RAB14: variants seen among roughly 807,000 people sequenced by gnomAD.
The protein encoded by RAB14 is RAB14, member RAS oncogene family.
Under a neutral mutation model 31.1 loss-of-function variants are expected in RAB14, and 3 were observed. That is an observed-to-expected ratio of 0.10 (90% confidence interval 0.04 to 0.25). RAB14 has a LOEUF of 0.25. Among genes scored for constraint, RAB14 ranks in the 10% least tolerant of loss-of-function variants. RAB14 has a pLI of 1.00. For synonymous variants in RAB14, 85 were observed against 84.9 expected (o/e 1.00, Z 0.00); for missense variants, 111 against 260.1 (o/e 0.43, Z 3.94).
chr9:121,200,754 C>T (rs1380688112), intron 1 of RAB14, among the ~76,000 whole-genome samples: 1 of 152,226 alleles, frequency 6.6e-6, no homozygotes, highest in Non-Finnish European at 1.5e-5. Context: ...AATGTACCAT[C>T]AACAGCCAGA....
chr9:121,183,167 G>A lies in RAB14; in HGVS notation c.439+144C>T. On this transcript the variant is annotated intron_variant, in intron 6 of 7. Transcript: ENST00000373840. Reference sequence around the variant, plus strand: ...CTCCAACATAAATCACACAGAAATAGAAACACATTGTTACTTCCTCATTCT... The same window carrying A: ...CTCCAACATAAATCACACAGAAATAAAAACACATTGTTACTTCCTCATTCT... The A allele has an allele frequency of 6.4e-6, 5 of 787,378 alleles. No individual in the cohort carries two copies. The East Asian group carries it at 1.0e-4, about 16-fold the overall frequency. 48.8% of individuals were successfully genotyped at this position (787,378 alleles called of 1,614,324 possible). A position where few individuals can be genotyped will look rare whatever the true frequency, so the allele number is the denominator to read the frequency against.
intron 1 of RAB14, among the ~76,000 whole-genome samples, chr9:121,198,020 A>AAC (rs58467154): frequency 0.19 from 28,873 of 149,624 alleles, 3,488 homozygotes; most frequent in African/African-American, 0.34. Context: ...CCCACTTTCA[A>AAC]ACACACACAC....
rs2053612572 is a variant in RAB14, at chr9:121,178,655, T to A, written c.*2741A>T. On this transcript the variant is annotated 3_prime_UTR_variant, in exon 8 of 8. Coordinates refer to ENST00000373840, the MANE Select transcript of RAB14 (RefSeq NM_016322.4). ...TTCAAAAGACACCTTTCCAAAGAAATTGTACTACCTCTATTAACGTGTAAA... is the reference window on the plus strand; with the variant it reads ...TTCAAAAGACACCTTTCCAAAGAAAATGTACTACCTCTATTAACGTGTAAA... The A allele has an allele frequency of 6.6e-6, 1 of 152,368 alleles. No individual in the cohort carries two copies. The highest frequency in any genetic ancestry group is 2.1e-4 in the South Asian group (1 of 4,832). The allele number at this position is 152,368 out of a possible 1,614,324, so 9.4% of individuals were successfully genotyped here.
intron 1 of RAB14, among the ~76,000 whole-genome samples, chr9:121,194,944 T>C (rs2053707059): frequency 6.6e-6 from 1 of 152,194 alleles, no homozygotes; most frequent in South Asian, 2.1e-4. Context: ...CCATTCCAGT[T>C]TGGCATGTTC....
rs57736737 is a variant in RAB14, at chr9:121,195,063, C to T, written c.-7-1644G>A. ...TAACTGATTCTGAACATCACAACAA[C>T]TTTATTCCCTTTTCCAGGCACTAGG... On this transcript the variant is annotated intron_variant, in intron 1 of 7. Coordinates refer to ENST00000373840, the MANE Select transcript of RAB14 (RefSeq NM_016322.4). Among the ~76,000 whole-genome samples the T allele has an allele frequency of 6.5e-3, 984 of 152,204 alleles. 11 individuals carry two copies. Among genetic ancestry groups the T allele is most frequent in the African/African-American group, 0.02 (815 of 41,526 alleles).
chr9:121,185,953 A>G (rs758556794), intron 5 of RAB14, among the ~76,000 whole-genome samples: 32 of 152,180 alleles, frequency 2.1e-4, no homozygotes, highest in Non-Finnish European at 4.3e-4. Flanking sequence ...CCCTAGCATG[A>G]TAGGCAAACA....
In RAB14 at chr9:121,180,715, TGTTA is replaced by T. The variant is rs762778015; in HGVS notation, c.*677_*680del. 22 of 152,686 alleles carry T rather than the reference TGTTA, an allele frequency of 1.4e-4. No homozygotes were observed. The highest frequency in any genetic ancestry group is 7.8e-4 in the Admixed American group (12 of 15,290). 9.5% of individuals were successfully genotyped at this position (152,686 alleles called of 1,614,324 possible). A position where few individuals can be genotyped will look rare whatever the true frequency, so the allele number is the denominator to read the frequency against. ...TTAAAATAATATACACAGAATGTAT[TGTTA>T]GTTCGATTCCTTCAAATTTTATACA... On this transcript the variant is annotated 3_prime_UTR_variant, in exon 8 of 8. Transcript: ENST00000373840.
In RAB14 at chr9:121,182,930, GT is replaced by G; in HGVS notation, c.469del (p.Thr157ArgfsTer5). On this transcript the variant is annotated frameshift_variant and splice_region_variant, in exon 7 of 8. Coordinates refer to ENST00000373840, the MANE Select transcript of RAB14 (RefSeq NM_016322.4). LOFTEE classifies it high-confidence loss of function. ...ATATCTGTATTTTGGTCACACTTAC[GT>G]TTTTGCACTCGCTTCGAGGAACAAT... ...GLLFLEASAK[T>X]GENVEDAFLE... 6.2e-7 allele frequency: 1 copy of G among 1,606,618 alleles called. No individual in the cohort carries two copies. The highest frequency in any genetic ancestry group is 8.5e-7 in the Non-Finnish European group (1 of 1,175,098).
In RAB14 at chr9:121,179,203, G is replaced by A. The variant is rs147827558; in HGVS notation, c.*2193C>T. The stretch of plus-strand genomic sequence containing the variant: ...AGACCTCTCTTTATACAATGAATAT[G>A]GACAGTGCTGCAATAAAAACTGATG... On this transcript the variant is annotated 3_prime_UTR_variant, in exon 8 of 8. Transcript: ENST00000373840. 1.3e-5 allele frequency: 2 copies of A among 152,386 alleles called. No individual in the cohort carries two copies. Among genetic ancestry groups the A allele is most frequent in the East Asian group, 3.9e-4 (2 of 5,190 alleles). 9.4% of individuals were successfully genotyped at this position (152,386 alleles called of 1,614,324 possible).
rs1419918041 is a variant in RAB14, at chr9:121,187,024, A to G, written c.285-5T>C. Reference sequence around the variant, plus strand: ...AAGTGGTTATATGTACTTCTTCTGCAAAAATAAAAGTTTAAATTTGTGACT... The same window carrying G: ...AAGTGGTTATATGTACTTCTTCTGCGAAAATAAAAGTTTAAATTTGTGACT... On this transcript the variant is annotated splice_polypyrimidine_tract_variant and splice_region_variant and intron_variant, in intron 4 of 7. Transcript: ENST00000373840. 6.5e-7 allele frequency: 1 copy of G among 1,542,252 alleles called. No homozygotes were observed. Among genetic ancestry groups the G allele is most frequent in the African/African-American group, 1.4e-5 (1 of 71,556 alleles).
intron 3 of RAB14, 95 bp from the exon 4 acceptor site, chr9:121,190,826 TAATAC>T: frequency 1.6e-6 from 2 of 1,212,158 alleles, no homozygotes. Context: ...AATGGCTTAC[TAATAC>T]TTACAGGCTA....
At chr9:121,190,860 C>G (rs537734605) in intron 3 of RAB14, 129 bp from the exon 4 acceptor site, 2 of 841,536 alleles carry the variant, frequency 2.4e-6, no homozygotes, top group East Asian at 2.8e-5. Flanking sequence ...CTAAAGCTAC[C>G]GCTAAAAAAA....
intron 5 of RAB14, among the ~76,000 whole-genome samples, chr9:121,185,594 A>T (rs2053654418): frequency 6.6e-6 from 1 of 152,082 alleles, no homozygotes; most frequent in South Asian, 2.1e-4. Flanking sequence ...GGCAATCACT[A>T]ATCTACTCCC....
chr9:121,185,934 A>C (rs1055460479), intron 5 of RAB14, among the ~76,000 whole-genome samples: 2 of 152,174 alleles, frequency 1.3e-5, no homozygotes, highest in Non-Finnish European at 2.9e-5. Flanking sequence ...TGAAAGTTTC[A>C]GGCACAGTCC....
chr9:121,187,007 A>G lies in RAB14; in HGVS notation c.297T>C (p.Tyr99=), dbSNP rs1293449591. The G allele has an allele frequency of 4.5e-6, 7 of 1,560,768 alleles. No homozygotes were observed. The highest frequency in any genetic ancestry group is 2.8e-5 in the African/African-American group (2 of 72,442). Residue 99 remains tyrosine (Y), a synonymous_variant, in exon 5 of 8, where the codon TAT becomes TAC. Coordinates refer to ENST00000373840, the MANE Select transcript of RAB14 (RefSeq NM_016322.4). ...MVYDITRRST[Y]NHLSSWLTDA... is the part of the protein sequence containing the mutation. Reference sequence around the variant, plus strand: ...CTGTCAACCAGCTGCTTAAGTGGTTATATGTACTTCTTCTGCAAAAATAAA... The same window carrying G: ...CTGTCAACCAGCTGCTTAAGTGGTTGTATGTACTTCTTCTGCAAAAATAAA...
intron 7 of RAB14, 37 bp downstream of exon 7, chr9:121,182,893 A>AAT (rs2053640705): frequency 1.3e-6 from 2 of 1,572,366 alleles, no homozygotes; most frequent in South Asian, 2.3e-5. Context: ...GAGAAACTTG[A>AAT]ATATAATTGA....
At chr9:121,191,342 A>G (rs945785341) in intron 3 of RAB14, among the ~76,000 whole-genome samples, 3 of 152,154 alleles carry the variant, frequency 2.0e-5, no homozygotes, top group Middle Eastern at 6.8e-3. Context: ...TTATATATAT[A>G]TGCATATATT....
intron 1 of RAB14, among the ~76,000 whole-genome samples, chr9:121,194,177 A>T (rs2053702590): frequency 6.6e-6 from 1 of 151,498 alleles, no homozygotes; most frequent in Non-Finnish European, 1.5e-5. Flanking sequence ...CCTGGCCTTA[A>T]GCGTCCCTCC....
intron 7 of RAB14, 25 bp from the exon 8 acceptor site, chr9:121,181,598 T>C: frequency 6.4e-7 from 1 of 1,573,604 alleles, no homozygotes; most frequent in Non-Finnish European, 8.7e-7. Context: ...ATAACTTTAT[T>C]GGAGAACCAC....
Sources: gnomAD v4.1 joint callset for allele counts (sites outside exome capture counted in the v4.1 genomes callset) on GRCh38, gnomAD v4.1.1 for gene constraint, MANE v1.5 for transcripts, NCBI Gene and HGNC (gene_info 2026-07-23, HGNC 2026-07-21) for gene names.